The following PPARG variants were observed in gnomAD, a reference collection of about 807,000 sequenced individuals.
PPARG encodes the protein peroxisome proliferator activated receptor gamma.
In PPARG, 17 loss-of-function variants were observed where a neutral mutation model predicts 39.2. The observed-to-expected ratio is 0.43, with a 90% CI of 0.30 to 0.65. The LOEUF (loss-of-function observed/expected upper bound fraction) is 0.65. Among genes scored for constraint, PPARG ranks in the 30% least tolerant of loss-of-function variants. PPARG has a pLI of 0.13. For synonymous variants in PPARG, 223 were observed against 215.7 expected, an observed-to-expected ratio of 1.03 and a Z score of -0.30; for missense variants, 406 against 585.9, an observed-to-expected ratio of 0.69 and a Z score of 3.17.
At chr3:12,413,035 A>C (rs995889873) in intron 6 of PPARG, among the ~76,000 whole-genome samples, 2 of 152,174 alleles carry the variant, frequency 1.3e-5, no homozygotes, top group Non-Finnish European at 2.9e-5. Flanking sequence ...TAAGGACTCC[A>C]CTTTGCTTTG....
chr3:12,332,011 C>A (rs2047875606), intron 2 of PPARG, among the ~76,000 whole-genome samples: 1 of 152,182 alleles, frequency 6.6e-6, no homozygotes, highest in Non-Finnish European at 1.5e-5. Flanking sequence ...CTTAATATAT[C>A]CATAGTGCTT....
chr3:12,329,845 G>A (rs2047801467), intron 2 of PPARG, among the ~76,000 whole-genome samples: 1 of 152,102 alleles, frequency 6.6e-6, no homozygotes, highest in Non-Finnish European at 1.5e-5. Context: ...CTGTCTCTAT[G>A]AATTCGGATA....
intron 2 of PPARG, among the ~76,000 whole-genome samples, chr3:12,338,154 A>G (rs567999020): frequency 2.0e-5 from 3 of 152,260 alleles, no homozygotes; most frequent in Non-Finnish European, 2.9e-5. Flanking sequence ...GTAGGAAAGT[A>G]TGACTTAGAA....
chr3:12,344,231 G>A (rs369713982), intron 2 of PPARG, among the ~76,000 whole-genome samples: 117 of 152,254 alleles, frequency 7.7e-4, no homozygotes, highest in Admixed American at 4.7e-3. Flanking sequence ...CCCTGACAGC[G>A]TAGGCACTCA....
At chr3:12,412,231 A>G (rs1470315917) in intron 6 of PPARG, among the ~76,000 whole-genome samples, 3 of 152,160 alleles carry the variant, frequency 2.0e-5, no homozygotes, top group African/African-American at 7.2e-5. Context: ...TGCTGATGTT[A>G]TTGGATTTCT....
intron 3 of PPARG, 29 bp from the exon 4 acceptor site, chr3:12,381,293 A>G (rs1230166594): frequency 1.9e-6 from 3 of 1,608,812 alleles, no homozygotes; most frequent in African/African-American, 1.3e-5. Flanking sequence ...TCATGGGATA[A>G]TTATCCTCTC....
At chr3:12,331,375 G>A (rs1305709344) in intron 2 of PPARG, among the ~76,000 whole-genome samples, 6 of 152,184 alleles carry the variant, frequency 3.9e-5, no homozygotes, top group Non-Finnish European at 8.8e-5. Flanking sequence ...GTTACAGATG[G>A]AGGAAATGAG....
intron 2 of PPARG, among the ~76,000 whole-genome samples, chr3:12,348,842 A>G (rs2048400588): frequency 6.6e-6 from 1 of 152,214 alleles, no homozygotes; most frequent in Non-Finnish European, 1.5e-5. Flanking sequence ...AGCAAGATCT[A>G]AAGTTCTAAG....
rs1488451314 is a variant in PPARG at position 12,299,757 on chromosome 3, A to G, written c.-83+10623A>G. 2.0e-5 allele frequency among the ~76,000 whole-genome samples: 3 copies of G among 152,332 alleles called. No homozygotes were observed. The East Asian group carries it at 5.8e-4, about 29-fold the overall frequency. On this transcript the variant is annotated intron_variant, in intron 1 of 7. Coordinates refer to ENST00000651735, the MANE Select transcript of PPARG (RefSeq NM_138711.6). ...ATTTAACCCTAAGAAAATGTAAAAC[A>G]AAGTTCATGGAGACTGTCCCATTAA...
chr3:12,353,401 A>G (rs2048549967), intron 2 of PPARG, among the ~76,000 whole-genome samples: 1 of 152,192 alleles, frequency 6.6e-6, no homozygotes, highest in African/African-American at 2.4e-5. Context: ...TGACCTTTAA[A>G]TAATTACTCC....
At chr3:12,303,385 G>C (rs1337520939) in intron 1 of PPARG, among the ~76,000 whole-genome samples, 1 of 152,140 alleles carries the variant, frequency 6.6e-6, no homozygotes, top group Non-Finnish European at 1.5e-5. Flanking sequence ...ATTTTTAGTA[G>C]AGATGGGGTT....
At chr3:12,331,908 C>G (rs1207321923) in intron 2 of PPARG, among the ~76,000 whole-genome samples, 8 of 151,960 alleles carry the variant, frequency 5.3e-5, no homozygotes, top group Admixed American at 4.6e-4. Flanking sequence ...GTTTCAGTTG[C>G]CTGTGAGATA....
intron 2 of PPARG, among the ~76,000 whole-genome samples, chr3:12,343,321 A>G (rs1285276885): frequency 1.3e-5 from 2 of 152,116 alleles, no homozygotes; most frequent in African/African-American, 4.8e-5. Flanking sequence ...TTTCAGGCTC[A>G]TCTCAGATTT....
intron 5 of PPARG, among the ~76,000 whole-genome samples, chr3:12,397,380 TA>T (rs1336630360): frequency 0.029 from 447 of 15,626 alleles, 2 homozygotes; most frequent in African/African-American, 0.086. Context: ...TATTCCTTTT[TA>T]TTATTATTAT....
chr3:12,371,317 T>G (rs2049203999), intron 2 of PPARG, among the ~76,000 whole-genome samples: 1 of 152,176 alleles, frequency 6.6e-6, no homozygotes, highest in South Asian at 2.1e-4. Context: ...TCTTCACCGT[T>G]AATGTTCAAA....
At chr3:12,347,608 CT>C (rs1277551425) in intron 2 of PPARG, among the ~76,000 whole-genome samples, 1 of 152,136 alleles carries the variant, frequency 6.6e-6, no homozygotes, top group South Asian at 2.1e-4. Flanking sequence ...GGCAGCCATT[CT>C]TTTGGGTAGG....
intron 2 of PPARG, among the ~76,000 whole-genome samples, chr3:12,325,792 A>G (rs2047678524): frequency 1.3e-5 from 2 of 151,128 alleles, no homozygotes; most frequent in Admixed American, 6.6e-5. Context: ...TTTGGTTGCT[A>G]TGTTGACATT....
chr3:12,349,380 C>T (rs1483011758), intron 2 of PPARG, among the ~76,000 whole-genome samples: 1 of 152,158 alleles, frequency 6.6e-6, no homozygotes, highest in Non-Finnish European at 1.5e-5. Context: ...TTAAGTGACC[C>T]AGCACTGCAG....
chr3:12,363,647 A>G (rs2048924993), intron 2 of PPARG, among the ~76,000 whole-genome samples: 1 of 152,098 alleles, frequency 6.6e-6, no homozygotes, highest in South Asian at 2.1e-4. Context: ...ATAGTGTTTG[A>G]AGGTGGGCAC....
Sources: allele counts gnomAD v4.1 joint callset (sites outside exome capture counted in the v4.1 genomes callset), GRCh38; gene constraint gnomAD v4.1.1; transcripts MANE v1.5; gene names NCBI Gene and HGNC (gene_info 2026-07-23, HGNC 2026-07-21).